PTPRN2: variants seen among roughly 807,000 people sequenced by gnomAD.
PTPRN2 encodes receptor-type tyrosine-protein phosphatase N2.
PTPRN2 carries 74 observed loss-of-function variants against 118.8 expected under a neutral mutation model. The ratio of observed to expected loss-of-function variants is 0.62; its 90% CI spans 0.52 to 0.76. The LOEUF (loss-of-function observed/expected upper bound fraction) is 0.76, where lower values mean the gene tolerates loss of function less well. Among genes scored for constraint, PTPRN2 ranks in the 30% least tolerant of loss-of-function variants. The probability of loss-of-function intolerance (pLI) is 0.00; values close to 1 mark genes in which losing one functional copy is unlikely to be tolerated. For synonymous variants in PTPRN2, 641 were observed against 608.0 expected, an observed-to-expected ratio of 1.05 and a Z score of -0.80; for missense variants, 1,481 against 1,394.4, an observed-to-expected ratio of 1.06 and a Z score of -0.99.
chr7:158,290,539 C>T (rs1448287379), intron 3 of PTPRN2, among the ~76,000 whole-genome samples: 1 of 152,140 alleles, frequency 6.6e-6, no homozygotes, highest in Non-Finnish European at 1.5e-5. Context: ...CCTTGGGTAC[C>T]AGCCTGGAGT....
intron 11 of PTPRN2, among the ~76,000 whole-genome samples, chr7:158,043,614 G>A (rs1808629444): frequency 1.3e-5 from 2 of 152,224 alleles, no homozygotes; most frequent in South Asian, 4.1e-4. Flanking sequence ...AAGGAGAAGG[G>A]CCTGACCTCA....
intron 10 of PTPRN2, among the ~76,000 whole-genome samples, chr7:158,087,266 C>G (rs751595004): frequency 6.6e-6 from 1 of 152,186 alleles, no homozygotes; most frequent in Non-Finnish European, 1.5e-5. Flanking sequence ...TGCTTTCCTT[C>G]GGGAATGACG....
intron 2 of PTPRN2, among the ~76,000 whole-genome samples, chr7:158,417,899 A>G (rs1814852185): frequency 6.7e-6 from 1 of 149,752 alleles, no homozygotes; most frequent in Admixed American, 6.6e-5. Context: ...ATGGTGTACT[A>G]CATCGAGATG....
chr7:158,026,557 A>G (rs1301091459), intron 11 of PTPRN2, among the ~76,000 whole-genome samples: 1 of 152,240 alleles, frequency 6.6e-6, no homozygotes, highest in Middle Eastern at 3.2e-3. Context: ...CCTTGTGTTC[A>G]TAGTTCTTAC....
rs1824512026 is a variant in PTPRN2 at position 158,179,516 on chromosome 7, T to C, written c.550-12225A>G. ...AATTAGGTCCAATTTATTTTTGTTTTAGTTGCATTTGCTTTTGGGGTCTTA... is the reference window on the plus strand; with the variant it reads ...AATTAGGTCCAATTTATTTTTGTTTCAGTTGCATTTGCTTTTGGGGTCTTA... On this transcript the variant is annotated intron_variant, in intron 5 of 22. Coordinates refer to ENST00000389418, the MANE Select transcript of PTPRN2 (RefSeq NM_002847.5). 2.0e-5 allele frequency among the ~76,000 whole-genome samples: 3 copies of C among 152,244 alleles called. No homozygotes were observed. In the South Asian group the frequency reaches 6.2e-4, roughly 31 times the overall value.
chr7:157,999,125 C>G, intron 11 of PTPRN2, among the ~76,000 whole-genome samples: 1 of 152,022 alleles, frequency 6.6e-6, no homozygotes, highest in Non-Finnish European at 1.5e-5. Flanking sequence ...ACGTGAGCCT[C>G]ATGCCAGAGA....
At chr7:158,357,503 G>T (rs796576693) in intron 2 of PTPRN2, among the ~76,000 whole-genome samples, 10 of 152,330 alleles carry the variant, frequency 6.6e-5, no homozygotes, top group African/African-American at 2.4e-4. Flanking sequence ...GCCAGGGGCT[G>T]GCCCAACACT....
intron 5 of PTPRN2, among the ~76,000 whole-genome samples, chr7:158,179,661 A>G (rs373006390): frequency 6.6e-6 from 1 of 152,130 alleles, no homozygotes; most frequent in Non-Finnish European, 1.5e-5. Context: ...TGATTTTTGT[A>G]TAAGGTAAGA....
intron 15 of PTPRN2, among the ~76,000 whole-genome samples, chr7:157,613,123 G>A (rs189994992): frequency 0.011 from 1,605 of 152,266 alleles, 31 homozygotes; most frequent in African/African-American, 0.036. Flanking sequence ...GCCCGGCCCC[G>A]TCTCCAGTCC....
At chr7:158,175,483 C>T (rs1563561143) in intron 5 of PTPRN2, among the ~76,000 whole-genome samples, 1 of 152,168 alleles carries the variant, frequency 6.6e-6, no homozygotes, top group East Asian at 1.9e-4. Flanking sequence ...TGTATCTCTG[C>T]CTCTGTCTCT....
intron 11 of PTPRN2, among the ~76,000 whole-genome samples, chr7:157,935,242 C>G (rs1799627204): frequency 6.6e-6 from 1 of 152,150 alleles, no homozygotes. Context: ...TTGTGTCCCA[C>G]CTTTCTTGGC....
intron 11 of PTPRN2, among the ~76,000 whole-genome samples, chr7:158,055,052 T>C (rs1280265814): frequency 2.6e-5 from 4 of 152,166 alleles, no homozygotes; most frequent in South Asian, 2.1e-4. Flanking sequence ...TCCAGTGTAA[T>C]AAAATATGTA....
At chr7:157,715,455 G>T (rs1039174021) in intron 12 of PTPRN2, among the ~76,000 whole-genome samples, 2 of 152,226 alleles carry the variant, frequency 1.3e-5, no homozygotes, top group Non-Finnish European at 2.9e-5. Flanking sequence ...CGCAGAGGAG[G>T]GGAGGCCCCC....
At chr7:158,058,085 C>T (rs770351664) in intron 11 of PTPRN2, among the ~76,000 whole-genome samples, 38 of 152,228 alleles carry the variant, frequency 2.5e-4, no homozygotes, top group Non-Finnish European at 4.8e-4. Context: ...TCTTTTCTTC[C>T]ATGAAAATCT....
chr7:157,641,250 A>G (rs921092200), intron 14 of PTPRN2, among the ~76,000 whole-genome samples: 1 of 152,210 alleles, frequency 6.6e-6, no homozygotes, highest in Non-Finnish European at 1.5e-5. Context: ...CAAGGGGGAG[A>G]GAGGGAATAA....
At chr7:158,023,461 TTTCTC>T (rs1316755979) in intron 11 of PTPRN2, among the ~76,000 whole-genome samples, 2 of 152,136 alleles carry the variant, frequency 1.3e-5, no homozygotes, top group African/African-American at 4.8e-5. Flanking sequence ...CTAAAAAAAA[TTTCTC>T]TAATCTATAT....
chr7:158,053,073 A>G (rs1809459688), intron 11 of PTPRN2, among the ~76,000 whole-genome samples: 1 of 152,172 alleles, frequency 6.6e-6, no homozygotes, highest in Non-Finnish European at 1.5e-5. Context: ...CCCCAGAAGC[A>G]CAGTCTCTCT....
chr7:157,765,293 A>C (rs532867004), intron 12 of PTPRN2, among the ~76,000 whole-genome samples: 6 of 145,494 alleles, frequency 4.1e-5, no homozygotes, highest in Admixed American at 6.9e-5. Flanking sequence ...CCACCCATCC[A>C]ACCATCCATC....
At position 158,321,075 on chromosome 7, in the gene PTPRN2, G is replaced by C. The variant is rs545859044; in HGVS notation, c.164-4143C>G. Among the ~76,000 whole-genome samples the C allele has an allele frequency of 2.0e-5, 3 of 152,174 alleles. No individual in the cohort carries two copies. In the East Asian group the frequency reaches 5.8e-4, roughly 30 times the overall value. ...GGACTGGAAAGTCAAATCTCAATCA[G>C]GAAAGCATCAGGTGCGATGAGACTC... On this transcript the variant is annotated intron_variant, in intron 2 of 22. Transcript: ENST00000389418.
Sources: allele counts gnomAD v4.1 joint callset (sites outside exome capture counted in the v4.1 genomes callset), GRCh38; gene constraint gnomAD v4.1.1; transcripts MANE v1.5; gene names NCBI Gene and HGNC (gene_info 2026-07-23, HGNC 2026-07-21).